Variants in CHD2 observed in about 807,000 individuals in gnomAD.
CHD2 encodes ATP-dependent chromatin remodeler CHD2.
Under a neutral mutation model 243.9 loss-of-function variants are expected in CHD2, and 28 were observed. That is an observed-to-expected ratio of 0.11 (90% CI 0.09 to 0.16). CHD2 has a LOEUF of 0.16. Ranked by LOEUF, CHD2 falls within the 10% of genes least tolerant of loss-of-function variation. The pLI is 1.00. For missense variants in CHD2, 1,386 were observed against 2,209.8 expected (o/e 0.63, Z 7.47); for synonymous variants, 775 against 779.0 (o/e 0.99, Z 0.09).
intron 35 of CHD2, 68 bp from the exon 36 acceptor site, chr15:93,012,277 C>A: frequency 1.0e-6 from 1 of 975,252 alleles, no homozygotes; most frequent in South Asian, 1.6e-5. Context: ...GCTTGCCATC[C>A]ATGAAGATCA....
chr15:92,966,344 G>A (rs2053763191), intron 16 of CHD2, among the ~76,000 whole-genome samples: 1 of 152,040 alleles, frequency 6.6e-6, no homozygotes, highest in Non-Finnish European at 1.5e-5. Flanking sequence ...GATTACAGGT[G>A]TGAGCTACTT....
rs186966922 is a variant in CHD2 at position 93,024,193 on chromosome 15, A to G, written c.5154-179A>G. ...TCACTGCACACTTGAGCCTTATTTC[A>G]TAGGATGTATTTTGCTAATAAGTGT... On this transcript the variant is annotated intron_variant, in intron 38 of 38. Coordinates refer to ENST00000394196, the MANE Select transcript of CHD2 (RefSeq NM_001271.4). 5.5e-4 allele frequency among the ~76,000 whole-genome samples: 84 copies of G among 152,260 alleles called. 1 individual carries two copies. The highest frequency in any genetic ancestry group is 2.0e-3 in the African/African-American group (83 of 41,538).
Position 92,919,805 on chromosome 15 carries a change from AT to A in CHD2, c.63-4514del, listed in dbSNP as rs2052920344. ...CTCATGATTAGACTTACTTTAGACAATTAACTAGTTTAGACATTAAAAATAC... is the reference window on the plus strand; with the variant it reads ...CTCATGATTAGACTTACTTTAGACAATAACTAGTTTAGACATTAAAAATAC... On this transcript the variant is annotated intron_variant, in intron 2 of 38. Coordinates refer to ENST00000394196, the MANE Select transcript of CHD2 (RefSeq NM_001271.4). Among the ~76,000 whole-genome samples, 6 of 152,316 alleles carry A rather than the reference AT, an allele frequency of 3.9e-5. No individual in the cohort carries two copies. In the South Asian group the frequency reaches 1.2e-3, roughly 32 times the overall value.
chr15:92,994,568 A>G (rs987608569), intron 28 of CHD2, among the ~76,000 whole-genome samples: 1 of 152,242 alleles, frequency 6.6e-6, no homozygotes, highest in African/African-American at 2.4e-5. Flanking sequence ...TATAACATTC[A>G]GAATACACCC....
At chr15:92,948,553 G>A (rs969453174) in intron 12 of CHD2, among the ~76,000 whole-genome samples, 1 of 152,118 alleles carries the variant, frequency 6.6e-6, no homozygotes, top group African/African-American at 2.4e-5. Context: ...TAAGTTTTTG[G>A]CCAGGCGCGG....
chr15:93,019,533 CAT>C (rs1172724964), intron 37 of CHD2, among the ~76,000 whole-genome samples: 3 of 152,210 alleles, frequency 2.0e-5, no homozygotes, highest in Non-Finnish European at 4.4e-5. Context: ...CTGTTTGTAA[CAT>C]GTGTCAGGCT....
intron 2 of CHD2, among the ~76,000 whole-genome samples, chr15:92,917,256 C>G (rs932505198): frequency 1.3e-5 from 2 of 152,158 alleles, no homozygotes; most frequent in African/African-American, 4.8e-5. Flanking sequence ...ATCCAGTATT[C>G]TTTACCAATA....
chr15:92,935,775 C>T (rs1034641397), intron 5 of CHD2, among the ~76,000 whole-genome samples: 2 of 151,878 alleles, frequency 1.3e-5, no homozygotes, highest in African/African-American at 4.8e-5. Flanking sequence ...TACTATGCTC[C>T]GGGGAAGCAG....
intron 16 of CHD2, among the ~76,000 whole-genome samples, chr15:92,965,014 T>C (rs1227757320): frequency 6.6e-6 from 1 of 152,206 alleles, no homozygotes; most frequent in Non-Finnish European, 1.5e-5. Context: ...ATTTCCGTTG[T>C]TGGTCCTTAT....
intron 21 of CHD2, 86 bp downstream of exon 21, chr15:92,978,469 T>C: frequency 2.2e-6 from 3 of 1,356,066 alleles, no homozygotes; most frequent in Admixed American, 2.3e-5. Context: ...AATAAAATGC[T>C]TTTTCCCTGT....
intron 13 of CHD2, among the ~76,000 whole-genome samples, chr15:92,953,118 C>G (rs1175676733): frequency 6.6e-6 from 1 of 152,200 alleles, no homozygotes. Context: ...TCTGACAAGG[C>G]TGTCATAGTA....
At chr15:93,002,467 C>T (rs1329376989) in intron 33 of CHD2, 150 bp downstream of exon 33, 1 of 1,292,662 alleles carries the variant, frequency 7.7e-7, no homozygotes. Flanking sequence ...GATGGGATAC[C>T]TGCACCTGTC....
intron 26 of CHD2, among the ~76,000 whole-genome samples, chr15:92,988,285 A>G (rs1198718736): frequency 1.3e-5 from 2 of 152,050 alleles, no homozygotes; most frequent in African/African-American, 4.8e-5. Context: ...GGATTTCACC[A>G]TGTTGGCCAG....
intron 19 of CHD2, chr15:92,974,639 C>G (rs1001963844): frequency 1.2e-5 from 5 of 402,420 alleles, no homozygotes; most frequent in African/African-American, 8.4e-5. Flanking sequence ...TGATCCTTGG[C>G]TAAACCTGGA....
intron 2 of CHD2, among the ~76,000 whole-genome samples, chr15:92,905,207 T>G (rs761113123): frequency 6.6e-6 from 1 of 152,234 alleles, no homozygotes; most frequent in Non-Finnish European, 1.5e-5. Flanking sequence ...ACAGCTTGGC[T>G]GATAGTGGGG....
chr15:92,984,998 T>G (rs1270049658), intron 25 of CHD2, among the ~76,000 whole-genome samples: 1 of 152,230 alleles, frequency 6.6e-6, no homozygotes, highest in Admixed American at 6.5e-5. Flanking sequence ...TAGAACAAGT[T>G]TTTTTACCCA....
intron 34 of CHD2, among the ~76,000 whole-genome samples, chr15:93,007,551 C>T (rs1408643572): frequency 6.6e-6 from 1 of 152,052 alleles, no homozygotes; most frequent in Non-Finnish European, 1.5e-5. Context: ...TGGAAATGAC[C>T]ACAAAGTGAT....
chr15:93,000,441 A>G (rs992068946), intron 31 of CHD2, 71 bp from the exon 32 acceptor site: 3 of 1,442,086 alleles, frequency 2.1e-6, no homozygotes, highest in Non-Finnish European at 2.8e-6. Context: ...TTAAAGAGTC[A>G]TCATGTTGTT....
At chr15:93,009,034 C>A in intron 34 of CHD2, 111 bp from the exon 35 acceptor site, 1 of 1,210,444 alleles carries the variant, frequency 8.3e-7, no homozygotes, top group Non-Finnish European at 1.2e-6. Flanking sequence ...CTTCCTCTAG[C>A]AATTATATGG....
Sources: gnomAD v4.1 joint callset for allele counts (sites outside exome capture counted in the v4.1 genomes callset) on GRCh38, gnomAD v4.1.1 for gene constraint, MANE v1.5 for transcripts, NCBI Gene and HGNC (gene_info 2026-07-23, HGNC 2026-07-21) for gene names.